The following EYS variants were observed in gnomAD, a reference collection of about 807,000 sequenced individuals.
EYS encodes the protein EGF-like photoreceptor maintenance factor.
In EYS, 250 loss-of-function variants were observed where a neutral mutation model predicts 282.1. That is an observed-to-expected ratio of 0.89 (90% CI 0.80 to 0.98). The LOEUF is 0.98. Among genes scored for constraint, EYS ranks in the 50% least tolerant of loss-of-function variants. The probability of loss-of-function intolerance (pLI) is 0.00; values close to 1 mark genes in which losing one functional copy is unlikely to be tolerated. For synonymous variants in EYS, 1,355 were observed against 1,282.9 expected, an observed-to-expected ratio of 1.06 and a Z score of -1.20; for missense variants, 4,016 against 3,709.0, an observed-to-expected ratio of 1.08 and a Z score of -2.15.
At chr6:64,575,102 T>TGAAAATCAAACAGAAAAGTATAGCACCTA (rs1379861333) in intron 26 of EYS, among the ~76,000 whole-genome samples, 2 of 152,124 alleles carry the variant, frequency 1.3e-5, no homozygotes, top group African/African-American at 4.8e-5. Flanking sequence ...AGAGTGTGAT[T>TGAAAATCAAACAGAAAAGTATAGCACCTA]GAAAATCAAA....
At chr6:65,698,514 T>C (rs746347838) in intron 1 of EYS, among the ~76,000 whole-genome samples, 4 of 152,158 alleles carry the variant, frequency 2.6e-5, no homozygotes, top group Non-Finnish European at 5.9e-5. Context: ...CATTTACTTT[T>C]AGGATGCTAA....
At chr6:65,092,451 G>A (rs1048466509) in intron 12 of EYS, among the ~76,000 whole-genome samples, 1 of 152,120 alleles carries the variant, frequency 6.6e-6, no homozygotes, top group African/African-American at 2.4e-5. Flanking sequence ...TATCATAGAA[G>A]TATATGACTA....
At chr6:64,655,580 G>A (rs1221595117) in intron 22 of EYS, among the ~76,000 whole-genome samples, 8 of 151,890 alleles carry the variant, frequency 5.3e-5, no homozygotes, top group Admixed American at 3.9e-4. Context: ...CTATATATAT[G>A]TGTCTTATAA....
At chr6:63,743,984 T>C (rs1336566291) in intron 41 of EYS, 1 of 152,166 alleles carries the variant, frequency 6.6e-6, no homozygotes, top group Non-Finnish European at 1.5e-5. Context: ...ATGAGAAGAT[T>C]TGTAGATGTT....
chr6:64,419,908 C>A (rs2150450247), intron 28 of EYS, among the ~76,000 whole-genome samples: 1 of 152,338 alleles, frequency 6.6e-6, no homozygotes, highest in African/African-American at 2.4e-5. Context: ...TTTCTTCTCA[C>A]AGCTCCACTA....
intron 22 of EYS, among the ~76,000 whole-genome samples, chr6:64,808,096 C>T (rs1439431842): frequency 1.3e-5 from 2 of 148,268 alleles, no homozygotes; most frequent in East Asian, 4.1e-4. Flanking sequence ...CCCTTCCCTT[C>T]TTCCCTTCCC....
At chr6:65,093,803 A>C (rs948158488) in intron 12 of EYS, among the ~76,000 whole-genome samples, 1 of 151,814 alleles carries the variant, frequency 6.6e-6, no homozygotes, top group Non-Finnish European at 1.5e-5. Flanking sequence ...AATATAAATG[A>C]ATTAAACTTC....
intron 24 of EYS, among the ~76,000 whole-genome samples, chr6:64,604,472 A>G (rs1273982833): frequency 6.6e-6 from 1 of 152,028 alleles, no homozygotes; most frequent in African/African-American, 2.4e-5. Flanking sequence ...AATTTGTGAA[A>G]TTTTCCACAG....
At chr6:64,773,458 T>C (rs897851258) in intron 22 of EYS, among the ~76,000 whole-genome samples, 1 of 151,986 alleles carries the variant, frequency 6.6e-6, no homozygotes, top group African/African-American at 2.4e-5. Context: ...TGTGTCTTTA[T>C]GGTAGAACGA....
At chr6:65,596,055 C>T (rs993515776) in intron 2 of EYS, among the ~76,000 whole-genome samples, 3 of 151,916 alleles carry the variant, frequency 2.0e-5, no homozygotes, top group South Asian at 2.1e-4. Context: ...CATCAACAGC[C>T]GGTAAAATTC....
chr6:64,111,207 TA>T (rs1043732272), intron 31 of EYS, among the ~76,000 whole-genome samples: 13 of 152,180 alleles, frequency 8.5e-5, no homozygotes, highest in African/African-American at 2.4e-4. Context: ...TTAAGCTGAA[TA>T]AAATAGTTGT....
rs1284098982 is a variant in EYS, at chr6:64,617,523, T to G, written c.3579A>C (p.Gly1193=). 3 of 1,543,110 alleles carry G rather than the reference T, an allele frequency of 1.9e-6. No individual in the cohort carries two copies. The South Asian group carries it at 3.6e-5, about 19-fold the overall frequency. ...ACTCAAGCTCATTCTCACAGTGGTGTCCAGACCATCCTGTTCAACAAAATT... is the reference window on the plus strand; with the variant it reads ...ACTCAAGCTCATTCTCACAGTGGTGGCCAGACCATCCTGTTCAACAAAATT... The part of the protein sequence containing the change: ...YVCKCQPGWS[G]HHCENELECI... Residue 1193 remains glycine, a synonymous_variant, in exon 24 of 43, where the codon GGA becomes GGC. Coordinates refer to ENST00000503581, the MANE Select transcript of EYS (RefSeq NM_001142800.2).
intron 12 of EYS, among the ~76,000 whole-genome samples, chr6:65,169,320 C>G (rs1765049517): frequency 6.6e-6 from 1 of 151,400 alleles, no homozygotes; most frequent in Non-Finnish European, 1.5e-5. Flanking sequence ...CACACCTAAG[C>G]TGTACATAAT....
chr6:63,779,972 C>G (rs1770171965), intron 39 of EYS, among the ~76,000 whole-genome samples: 1 of 152,150 alleles, frequency 6.6e-6, no homozygotes, highest in Non-Finnish European at 1.5e-5. Context: ...TGTTCAATTC[C>G]CACCTATGAG....
chr6:64,877,398 A>G (rs1766781409), intron 19 of EYS, among the ~76,000 whole-genome samples: 1 of 152,176 alleles, frequency 6.6e-6, no homozygotes, highest in Non-Finnish European at 1.5e-5. Context: ...ATATTTGGGA[A>G]TTATTAGTAT....
chr6:64,415,680 T>G (rs17400965), intron 28 of EYS, among the ~76,000 whole-genome samples: 27,614 of 152,188 alleles, frequency 0.18, 3,124 homozygotes, highest in South Asian at 0.33. Flanking sequence ...AGTGTGGGAT[T>G]TTTTATTGAC....
intron 12 of EYS, among the ~76,000 whole-genome samples, chr6:65,145,277 A>G (rs1466279381): frequency 6.7e-6 from 1 of 148,382 alleles, no homozygotes; most frequent in East Asian, 1.9e-4. Context: ...TTTTTTCAAC[A>G]TATATTGTTA....
chr6:65,199,211 T>C (rs1765841497), intron 12 of EYS, among the ~76,000 whole-genome samples: 1 of 152,162 alleles, frequency 6.6e-6, no homozygotes, highest in Non-Finnish European at 1.5e-5. Context: ...ATTATCCTTT[T>C]AGCATATAAT....
chr6:64,632,942 ATCTAATTATTAAATGTATTT>A (rs1440590544), intron 22 of EYS, among the ~76,000 whole-genome samples: 4 of 152,202 alleles, frequency 2.6e-5, no homozygotes, highest in African/African-American at 9.6e-5. Flanking sequence ...ATAGATTGGA[ATCTAATTATTAAATGTATTT>A]TCAAATGTGT....
Sources: gnomAD v4.1 joint callset for allele counts (sites outside exome capture counted in the v4.1 genomes callset) on GRCh38, gnomAD v4.1.1 for gene constraint, MANE v1.5 for transcripts, NCBI Gene and HGNC (gene_info 2026-07-23, HGNC 2026-07-21) for gene names.